ANO3: variants seen among roughly 807,000 people sequenced by gnomAD.
The protein encoded by ANO3 is anoctamin-3.
A neutral mutation model predicts 144.8 loss-of-function variants in ANO3; 99 were observed. The ratio of observed to expected loss-of-function variants is 0.68; its 90% CI spans 0.58 to 0.81. The LOEUF (loss-of-function observed/expected upper bound fraction) is 0.81. Among genes scored for constraint, ANO3 ranks in the 30% least tolerant of loss-of-function variants. ANO3 has a pLI of 0.00. For missense variants in ANO3, 905 were observed against 1,202.2 expected, an observed-to-expected ratio of 0.75 and a Z score of 3.66; for synonymous variants, 414 against 392.6, an observed-to-expected ratio of 1.05 and a Z score of -0.64.
intron 14 of ANO3, among the ~76,000 whole-genome samples, chr11:26,563,756 T>C (rs1850398377): frequency 6.6e-6 from 1 of 151,880 alleles, no homozygotes; most frequent in Non-Finnish European, 1.5e-5. Flanking sequence ...AAAATCAGTG[T>C]ATCCTGATAG....
chr11:26,272,677 C>T (rs1853468075), intron 1 of ANO3, among the ~76,000 whole-genome samples: 1 of 152,150 alleles, frequency 6.6e-6, no homozygotes. Context: ...TAAGAGACAG[C>T]AGACAGGATC....
chr11:26,349,765 G>T (rs1324752409), intron 1 of ANO3, among the ~76,000 whole-genome samples: 1 of 152,028 alleles, frequency 6.6e-6, no homozygotes, highest in Admixed American at 6.6e-5. Context: ...AGCCAGGATG[G>T]TCTCGATCTC....
chr11:26,367,582 T>C (rs1400122358), intron 1 of ANO3, among the ~76,000 whole-genome samples: 1 of 152,196 alleles, frequency 6.6e-6, no homozygotes, highest in African/African-American at 2.4e-5. Context: ...CATGTTCAGC[T>C]ATCTTTATAT....
chr11:26,473,135 T>C (rs1344047542), intron 4 of ANO3, among the ~76,000 whole-genome samples: 2 of 152,000 alleles, frequency 1.3e-5, no homozygotes, highest in African/African-American at 2.4e-5. Context: ...TTATTTTTTC[T>C]ATTTCTTGAA....
intron 20 of ANO3, among the ~76,000 whole-genome samples, chr11:26,635,953 T>G (rs995575026): frequency 3.3e-5 from 5 of 152,184 alleles, no homozygotes; most frequent in African/African-American, 1.2e-4. Flanking sequence ...GTCCCAACAC[T>G]TTAGGAGGCC....
upstream of ANO3, among the ~76,000 whole-genome samples, chr11:26,328,869 A>C (rs901173042): frequency 6.6e-6 from 1 of 152,212 alleles, no homozygotes; most frequent in Admixed American, 6.5e-5. Context: ...AATATATGAA[A>C]GTATAAAAAA....
At chr11:26,444,048 C>T (rs1379287042) in intron 3 of ANO3, among the ~76,000 whole-genome samples, 2 of 152,046 alleles carry the variant, frequency 1.3e-5, no homozygotes, top group Non-Finnish European at 2.9e-5. Flanking sequence ...GCAACAGTCT[C>T]ATAATAACAA....
At chr11:26,555,919 A>T (rs542451695) in intron 13 of ANO3, among the ~76,000 whole-genome samples, 53 of 152,152 alleles carry the variant, frequency 3.5e-4, no homozygotes, top group Non-Finnish European at 6.5e-4. Context: ...TTCTCAATTC[A>T]GTTCCTTACA....
intron 1 of ANO3, among the ~76,000 whole-genome samples, chr11:26,360,149 T>TG (rs1288827638): frequency 0.017 from 1 of 58 alleles, no homozygotes; most frequent in African/African-American, 0.17. Context: ...TTTTTATAAG[T>TG]TTTTTTTTCT....
At chr11:26,403,989 C>A (rs755630408) in intron 1 of ANO3, among the ~76,000 whole-genome samples, 58 of 151,866 alleles carry the variant, frequency 3.8e-4, no homozygotes, top group South Asian at 2.7e-3. Context: ...CAAAATTGTA[C>A]CATTCATTAT....
At chr11:26,411,680 C>T (rs571074533) in intron 1 of ANO3, among the ~76,000 whole-genome samples, 14 of 152,008 alleles carry the variant, frequency 9.2e-5, no homozygotes, top group Admixed American at 5.2e-4. Flanking sequence ...CCACACTTTC[C>T]GTGAGATAAG....
At chr11:26,453,851 A>G (rs949929263) in intron 3 of ANO3, among the ~76,000 whole-genome samples, 2 of 152,158 alleles carry the variant, frequency 1.3e-5, no homozygotes, top group Non-Finnish European at 2.9e-5. Flanking sequence ...CTCAGCAAAT[A>G]TAAAAGAACA....
intron 3 of ANO3, among the ~76,000 whole-genome samples, chr11:26,458,763 A>G (rs1859260042): frequency 6.6e-6 from 1 of 152,142 alleles, no homozygotes; most frequent in Non-Finnish European, 1.5e-5. Flanking sequence ...CGATGAACAA[A>G]ACAGTCACTG....
intron 8 of ANO3, among the ~76,000 whole-genome samples, chr11:26,533,519 C>T (rs1849426550): frequency 6.6e-6 from 1 of 151,868 alleles, no homozygotes; most frequent in South Asian, 2.1e-4. Context: ...TACCGAGAGC[C>T]TTGGAGGAAA....
In ANO3 at chr11:26,643,167, G is replaced by A. The variant is rs768247271; in HGVS notation, c.2276-15G>A. The A allele has an allele frequency of 1.9e-6, 3 of 1,612,984 alleles. No homozygotes were observed. Among genetic ancestry groups the A allele is most frequent in the Admixed American group, 1.7e-5 (1 of 59,852 alleles). On this transcript the variant is annotated splice_polypyrimidine_tract_variant and intron_variant, in intron 22 of 26. Coordinates refer to ENST00000256737, the MANE Select transcript of ANO3 (RefSeq NM_031418.4). ...GAAGTTTATATAGTAATTTCCTAAT[G>A]CTCTTCTTTTGCAGTTTTGCAATTT... is the stretch of plus-strand genomic sequence containing the variant.
At chr11:26,546,753 C>T (rs12275622) in intron 11 of ANO3, among the ~76,000 whole-genome samples, 7,992 of 152,066 alleles carry the variant, frequency 0.053, 264 homozygotes, top group Admixed American at 0.095. Flanking sequence ...TAGCATCCTT[C>T]GATACTTCCT....
At position 26,663,244 on chromosome 11, in the gene ANO3, T is replaced by C. The variant is rs1030890541; in HGVS notation, c.*2800T>C. ...TAGCACAATCTATTGTATGATGGAA[T>C]GAATAGAAAACTTTTTCACTCAATA... On this transcript the variant is annotated 3_prime_UTR_variant, in exon 27 of 27. Coordinates refer to ENST00000256737, the MANE Select transcript of ANO3 (RefSeq NM_031418.4). 2 of 152,116 alleles carry C rather than the reference T, an allele frequency of 1.3e-5. No homozygotes were observed. Among genetic ancestry groups the C allele is most frequent in the African/African-American group, 4.8e-5 (2 of 41,438 alleles). The allele number at this position is 152,116 out of a possible 1,614,324, so 9.4% of individuals were successfully genotyped here.
intron 10 of ANO3, among the ~76,000 whole-genome samples, chr11:26,538,094 T>A (rs1849555673): frequency 1.3e-5 from 2 of 152,178 alleles, no homozygotes; most frequent in Admixed American, 1.3e-4. Flanking sequence ...GGACTCACAG[T>A]ACATAATACA....
intron 7 of ANO3, among the ~76,000 whole-genome samples, chr11:26,528,187 C>G (rs1333035246): frequency 6.6e-6 from 1 of 152,118 alleles, no homozygotes; most frequent in East Asian, 1.9e-4. Flanking sequence ...TCATTATAAA[C>G]ACGTATTGAG....
Sources: allele counts gnomAD v4.1 joint callset (sites outside exome capture counted in the v4.1 genomes callset), GRCh38; gene constraint gnomAD v4.1.1; transcripts MANE v1.5; gene names NCBI Gene and HGNC (gene_info 2026-07-23, HGNC 2026-07-21).